SGCZ: variants seen among roughly 807,000 people sequenced by gnomAD.
SGCZ encodes zeta-sarcoglycan.
In SGCZ, 40 loss-of-function variants were observed where a neutral mutation model predicts 41.3. The observed-to-expected ratio is 0.97, with a 90% CI of 0.75 to 1.26. The LOEUF (loss-of-function observed/expected upper bound fraction) is 1.26. Ranked by LOEUF, SGCZ falls within the 50% of genes most tolerant of loss-of-function variation. The probability of loss-of-function intolerance (pLI) is 0.00; values close to 1 mark genes in which losing one functional copy is unlikely to be tolerated. For missense variants in SGCZ, 552 were observed against 369.8 expected (o/e 1.49, Z -4.04); for synonymous variants, 206 against 137.5 (o/e 1.50, Z -3.49).
intron 1 of SGCZ, among the ~76,000 whole-genome samples, chr8:14,704,082 C>A (rs1197879048): frequency 6.6e-6 from 1 of 152,032 alleles, no homozygotes; most frequent in African/African-American, 2.4e-5. Flanking sequence ...CATAAGAAAT[C>A]AGGAATCATG....
intron 1 of SGCZ, among the ~76,000 whole-genome samples, chr8:14,674,306 C>A (rs562111820): frequency 2.0e-5 from 3 of 151,766 alleles, no homozygotes; most frequent in African/African-American, 2.4e-5. Context: ...GAAACTATTT[C>A]TTTTCTTTTA....
chr8:14,337,008 G>A (rs1275008945), intron 2 of SGCZ, among the ~76,000 whole-genome samples: 1 of 152,076 alleles, frequency 6.6e-6, no homozygotes, highest in Non-Finnish European at 1.5e-5. Flanking sequence ...TGTCCATATG[G>A]CCATTAAAGG....
At chr8:14,242,022 G>T (rs930702685) in intron 3 of SGCZ, among the ~76,000 whole-genome samples, 1 of 152,184 alleles carries the variant, frequency 6.6e-6, no homozygotes, top group Admixed American at 6.5e-5. Context: ...AAAAGAGAAA[G>T]AAAGGAGACA....
chr8:14,785,375 A>G lies in SGCZ; in HGVS notation c.40-230449T>C, dbSNP rs75186731. Among the ~76,000 whole-genome samples the G allele has an allele frequency of 7.2e-5, 11 of 152,316 alleles. No individual in the cohort carries two copies. In the East Asian group the frequency reaches 1.7e-3, roughly 24 times the overall value. ...AAAAATAAAACACAGATGGAAACCC[A>G]AGTTTGCAAGGAAACTCTGAAATCT... On this transcript the variant is annotated intron_variant, in intron 1 of 7. Transcript: ENST00000382080.
chr8:14,692,419 C>T (rs968496456), intron 1 of SGCZ, among the ~76,000 whole-genome samples: 1 of 152,068 alleles, frequency 6.6e-6, no homozygotes, highest in Non-Finnish European at 1.5e-5. Context: ...TTTATATACA[C>T]ATATCCACCA....
chr8:15,038,952 G>T (rs1269961017), intron 1 of SGCZ, among the ~76,000 whole-genome samples: 1 of 151,990 alleles, frequency 6.6e-6, no homozygotes, highest in Non-Finnish European at 1.5e-5. Context: ...TACCTGCTAG[G>T]ATGGCTATTA....
At chr8:14,450,616 C>G (rs1169835979) in intron 2 of SGCZ, among the ~76,000 whole-genome samples, 2 of 152,068 alleles carry the variant, frequency 1.3e-5, no homozygotes, top group African/African-American at 2.4e-5. Flanking sequence ...AGAATCAGAC[C>G]AATTTTTTAA....
At chr8:14,141,966 C>G (rs1015836910) in intron 5 of SGCZ, among the ~76,000 whole-genome samples, 4 of 152,192 alleles carry the variant, frequency 2.6e-5, no homozygotes, top group African/African-American at 9.7e-5. Context: ...CACATATACA[C>G]CATGGAATAC....
chr8:14,400,069 T>C (rs1415720763), intron 2 of SGCZ, among the ~76,000 whole-genome samples: 4 of 152,104 alleles, frequency 2.6e-5, no homozygotes, highest in Admixed American at 1.3e-4. Context: ...TTTATGTCTC[T>C]ATATATTTGC....
chr8:14,982,123 A>G lies in SGCZ; in HGVS notation c.39+255462T>C, dbSNP rs1431123745. Among the ~76,000 whole-genome samples, 8 of 149,978 alleles carry G rather than the reference A, an allele frequency of 5.3e-5. No individual in the cohort carries two copies. In the East Asian group the frequency reaches 1.6e-3, roughly 30 times the overall value. ...CAGGATCACGCCACTGTACTCCTGC[A>G]CTCCAGCCTGGACAACAGAGCGAGA... On this transcript the variant is annotated intron_variant, in intron 1 of 7. Coordinates refer to ENST00000382080, the MANE Select transcript of SGCZ (RefSeq NM_139167.4).
intron 2 of SGCZ, among the ~76,000 whole-genome samples, chr8:14,388,423 T>G (rs1804648773): frequency 6.6e-6 from 1 of 152,024 alleles, no homozygotes; most frequent in Admixed American, 6.6e-5. Context: ...AGAGACAGAT[T>G]AGGAGAATAT....
intron 1 of SGCZ, among the ~76,000 whole-genome samples, chr8:15,026,216 G>C (rs1803452758): frequency 6.6e-6 from 1 of 151,780 alleles, no homozygotes; most frequent in Admixed American, 6.6e-5. Flanking sequence ...AAAATTCTCA[G>C]ACTGGTTAAT....
intron 2 of SGCZ, among the ~76,000 whole-genome samples, chr8:14,357,519 T>G (rs1261689969): frequency 1.3e-5 from 2 of 152,184 alleles, no homozygotes; most frequent in East Asian, 1.9e-4. Context: ...GCTGTACCTT[T>G]GAATTGAATG....
At chr8:15,224,194 A>G (rs1158640280) in intron 1 of SGCZ, among the ~76,000 whole-genome samples, 4 of 152,332 alleles carry the variant, frequency 2.6e-5, no homozygotes, top group African/African-American at 4.8e-5. Flanking sequence ...TAGTTCTTAC[A>G]TAAACTCTAT....
At chr8:14,295,082 G>A (rs967160822) in intron 3 of SGCZ, among the ~76,000 whole-genome samples, 5 of 151,876 alleles carry the variant, frequency 3.3e-5, no homozygotes, top group African/African-American at 1.2e-4. Context: ...AAATATCCTG[G>A]GTATTTATTC....
intron 1 of SGCZ, among the ~76,000 whole-genome samples, chr8:14,664,955 G>C (rs1807861014): frequency 6.6e-6 from 1 of 152,152 alleles, no homozygotes; most frequent in Non-Finnish European, 1.5e-5. Context: ...GGTGATCCTG[G>C]TCAAGCTATT....
In SGCZ at chr8:14,800,394, G is replaced by A. The variant is rs142442835; in HGVS notation, c.40-245468C>T. ...GGTTAATCCTGGCCCATAAGTTTATGTAAGGTGCATATGAAAATGGAAAGG... is the reference window on the plus strand; with the variant it reads ...GGTTAATCCTGGCCCATAAGTTTATATAAGGTGCATATGAAAATGGAAAGG... On this transcript the variant is annotated intron_variant, in intron 1 of 7. Transcript: ENST00000382080. Among the ~76,000 whole-genome samples the A allele has an allele frequency of 5.7e-3, 868 of 152,274 alleles. 10 individuals are homozygous for A. Among genetic ancestry groups the A allele is most frequent in the African/African-American group, 0.02 (821 of 41,558 alleles).
At chr8:15,204,628 A>G (rs116433800) in intron 1 of SGCZ, among the ~76,000 whole-genome samples, 8,281 of 152,192 alleles carry the variant, frequency 0.054, 254 homozygotes, top group South Asian at 0.074. Context: ...AGCACTTCAC[A>G]AGAATGAAAC....
intron 2 of SGCZ, among the ~76,000 whole-genome samples, chr8:14,519,226 G>C (rs1419998314): frequency 1.3e-5 from 2 of 151,954 alleles, no homozygotes; most frequent in African/African-American, 4.8e-5. Flanking sequence ...TGCTGCTCTG[G>C]AAGCTGTTTT....
Sources: gnomAD v4.1 joint callset for allele counts (sites outside exome capture counted in the v4.1 genomes callset) on GRCh38, gnomAD v4.1.1 for gene constraint, MANE v1.5 for transcripts, NCBI Gene and HGNC (gene_info 2026-07-23, HGNC 2026-07-21) for gene names.